The following DOCK7 variants were observed in gnomAD, a reference collection of about 807,000 sequenced individuals.
DOCK7 encodes dedicator of cytokinesis protein 7.
In DOCK7, 138 loss-of-function variants were observed where a neutral mutation model predicts 271.0. The ratio of observed to expected loss-of-function variants is 0.51; its 90% CI spans 0.44 to 0.59. DOCK7 has a LOEUF of 0.59. DOCK7 is among the 20% of genes least tolerant of loss of function. The pLI is 0.00. For missense variants in DOCK7, 2,066 were observed against 2,592.4 expected, an observed-to-expected ratio of 0.80 and a Z score of 4.41; for synonymous variants, 823 against 876.1, an observed-to-expected ratio of 0.94 and a Z score of 1.07.
chr1:62,641,593 A>G, intron 7 of DOCK7: 1 of 472,916 alleles, frequency 2.1e-6, no homozygotes, highest in Non-Finnish European at 4.3e-6. Context: ...AGAAATTGCC[A>G]GAAATGTGGA....
intron 17 of DOCK7, among the ~76,000 whole-genome samples, chr1:62,578,328 A>G (rs1272512249): frequency 1.3e-5 from 2 of 152,198 alleles, no homozygotes; most frequent in Admixed American, 1.3e-4. Flanking sequence ...AATTAATTAC[A>G]TTAGTTAATT....
At chr1:62,662,055 T>C (rs1336159510) in intron 2 of DOCK7, among the ~76,000 whole-genome samples, 3 of 152,194 alleles carry the variant, frequency 2.0e-5, no homozygotes, top group African/African-American at 7.2e-5. Flanking sequence ...TCATTATAAG[T>C]CGATCAAACT....
At chr1:62,497,515 G>T (rs950052355) in intron 37 of DOCK7, among the ~76,000 whole-genome samples, 1 of 152,080 alleles carries the variant, frequency 6.6e-6, no homozygotes, top group East Asian at 1.9e-4. Context: ...AAATCTAGGG[G>T]TCACCCCTAC....
At chr1:62,532,456 T>A (rs937007339) in intron 29 of DOCK7, among the ~76,000 whole-genome samples, 3 of 152,090 alleles carry the variant, frequency 2.0e-5, no homozygotes, top group African/African-American at 7.2e-5. Flanking sequence ...CTCAGCCTCC[T>A]GAGTAGCTGG....
chr1:62,545,946 T>C (rs952769964), intron 22 of DOCK7, among the ~76,000 whole-genome samples: 3 of 152,146 alleles, frequency 2.0e-5, no homozygotes, highest in Admixed American at 2.0e-4. Flanking sequence ...TAATTTGGAC[T>C]GGGGACTTGA....
chr1:62,544,918 A>T, intron 23 of DOCK7, 29 bp downstream of exon 23: 2 of 1,509,636 alleles, frequency 1.3e-6, no homozygotes, highest in Non-Finnish European at 1.8e-6. Flanking sequence ...ATCAGCAGCC[A>T]ATAAAGAAAC....
intron 28 of DOCK7, 32 bp downstream of exon 28, chr1:62,537,859 T>A: frequency 1.3e-6 from 2 of 1,581,524 alleles, no homozygotes; most frequent in South Asian, 1.1e-5. Context: ...AAAGTGACTT[T>A]AAATATATGT....
Position 62,559,223 on chromosome 1 carries a change from A to G in DOCK7, c.2200-3T>C. On this transcript the variant is annotated splice_region_variant and splice_polypyrimidine_tract_variant and intron_variant, in intron 19 of 49. Coordinates refer to ENST00000635253, the MANE Select transcript of DOCK7 (RefSeq NM_001367561.1). ...AAAAATTTGTCAAGATAAGGATCCT[A>G]AAACAAAGAATAAACAAAAGCACTA... is the stretch of plus-strand genomic sequence containing the variant. 6.2e-7 allele frequency: 1 copy of G among 1,608,184 alleles called. No individual in the cohort carries two copies. The highest frequency in any genetic ancestry group is 8.5e-7 in the Non-Finnish European group (1 of 1,175,756).
chr1:62,633,056 T>A (rs1654817965), intron 10 of DOCK7, among the ~76,000 whole-genome samples: 1 of 152,132 alleles, frequency 6.6e-6, no homozygotes. Context: ...ACTATTATAT[T>A]TTTACTATAT....
At chr1:62,563,699 G>C (rs185458278) in intron 18 of DOCK7, among the ~76,000 whole-genome samples, 69 of 151,638 alleles carry the variant, frequency 4.6e-4, no homozygotes, top group African/African-American at 1.6e-3. Context: ...ACACAACAAT[G>C]TTAACTCCGA....
chr1:62,578,794 T>A (rs1357935291), intron 17 of DOCK7, 34 bp downstream of exon 17: 1 of 1,524,688 alleles, frequency 6.6e-7, no homozygotes, highest in South Asian at 1.3e-5. Context: ...TTATTTTAGC[T>A]CTTTGATCTA....
Position 62,475,703 on chromosome 1 carries a change from T to G in DOCK7, c.5961+4A>C. 6.2e-7 allele frequency: 1 copy of G among 1,613,092 alleles called. No individual in the cohort carries two copies. Among genetic ancestry groups the G allele is most frequent in the Non-Finnish European group, 8.5e-7 (1 of 1,179,308 alleles). On this transcript the variant is annotated splice_donor_region_variant and intron_variant, in intron 46 of 49. Coordinates refer to ENST00000635253, the MANE Select transcript of DOCK7 (RefSeq NM_001367561.1). ...TAATGCTGTTTGCCCATTAATGGAC[T>G]TACCTCTTCTTTATGAGTGACATTG...
At chr1:62,512,833 C>A (rs1379309668) in intron 33 of DOCK7, among the ~76,000 whole-genome samples, 1 of 151,338 alleles carries the variant, frequency 6.6e-6, no homozygotes, top group Non-Finnish European at 1.5e-5. Context: ...ATTGCTTGGG[C>A]GAGGGAGGTC....
chr1:62,510,462 T>G, intron 34 of DOCK7, 115 bp downstream of exon 34: 1 of 618,070 alleles, frequency 1.6e-6, no homozygotes, highest in Non-Finnish European at 2.5e-6. Context: ...TAAGACTTAA[T>G]ATATTTATTA....
chr1:62,610,533 G>C (rs957480318), intron 14 of DOCK7, among the ~76,000 whole-genome samples: 3 of 152,064 alleles, frequency 2.0e-5, no homozygotes, highest in South Asian at 2.1e-4. Flanking sequence ...TTGTTACATA[G>C]GTATACACGT....
chr1:62,565,004 A>C (rs1646463658), intron 18 of DOCK7, among the ~76,000 whole-genome samples: 1 of 152,214 alleles, frequency 6.6e-6, no homozygotes. Context: ...ACCAGGAAGA[A>C]GTCGAATCCC....
At chr1:62,647,889 A>G (rs1300549237) in intron 6 of DOCK7, 113 bp from the exon 7 acceptor site, 2 of 892,604 alleles carry the variant, frequency 2.2e-6, no homozygotes, top group East Asian at 4.8e-5. Context: ...AATAGAACAT[A>G]GAGAAGAATG....
rs1261586456 is a variant in DOCK7 at position 62,510,884 on chromosome 1, TCTTTAAAACAATAC to T, written c.4283-225_4283-212del. ...TGTACTTGCTATATGCAGTATCTTT[TCTTTAAAACAATAC>T]CCACTTAAATAAGCAAATGTTCTAA... On this transcript the variant is annotated intron_variant, in intron 33 of 49. Transcript: ENST00000635253. 1.2e-5 allele frequency: 5 copies of T among 418,534 alleles called. No individual in the cohort carries two copies. In the East Asian group the frequency reaches 2.0e-4, roughly 16 times the overall value. The allele number at this position is 418,534 out of a possible 1,614,324, so 25.9% of individuals were successfully genotyped here.
chr1:62,475,631 T>C (rs1571221162), intron 46 of DOCK7, 76 bp downstream of exon 46: 5 of 1,344,836 alleles, frequency 3.7e-6, no homozygotes, highest in South Asian at 1.2e-5. Context: ...ACATATCTTC[T>C]GGTACATCTG....
Sources: gnomAD v4.1 joint callset for allele counts (sites outside exome capture counted in the v4.1 genomes callset) on GRCh38, gnomAD v4.1.1 for gene constraint, MANE v1.5 for transcripts, NCBI Gene and HGNC (gene_info 2026-07-23, HGNC 2026-07-21) for gene names.